The following ABCB1 variants were observed in gnomAD, a reference collection of about 807,000 sequenced individuals.
The protein encoded by ABCB1 is ATP binding cassette subfamily B member 1.
ABCB1 carries 69 observed loss-of-function variants against 142.0 expected under a neutral mutation model. The ratio of observed to expected loss-of-function variants is 0.49; its 90% CI spans 0.40 to 0.59. ABCB1 has a LOEUF of 0.59. ABCB1 is among the 20% of genes least tolerant of loss of function. ABCB1 has a pLI of 0.00. For synonymous variants in ABCB1, 532 were observed against 539.2 expected, an observed-to-expected ratio of 0.99 and a Z score of 0.18; for missense variants, 1,326 against 1,554.7, an observed-to-expected ratio of 0.85 and a Z score of 2.47.
intron 14 of ABCB1, among the ~76,000 whole-genome samples, chr7:87,547,275 A>C (rs1330141468): frequency 1.3e-5 from 2 of 152,262 alleles, no homozygotes; most frequent in African/African-American, 4.8e-5. Flanking sequence ...TAGAAAATAC[A>C]GAAGAAAATA....
intron 1 of ABCB1, among the ~76,000 whole-genome samples, chr7:87,672,032 CT>C (rs1377163382): frequency 2.0e-5 from 3 of 152,136 alleles, no homozygotes; most frequent in Admixed American, 2.0e-4. Context: ...TTCTGGGAGT[CT>C]TTTCTGCCCC....
chr7:87,541,796 A>G (rs28381936), intron 17 of ABCB1, among the ~76,000 whole-genome samples: 122 of 152,344 alleles, frequency 8.0e-4, no homozygotes, highest in Non-Finnish European at 1.5e-3. Context: ...ATGGCAGTTC[A>G]TTGCTTTACT....
At chr7:87,635,711 C>T (rs1460817698) in intron 1 of ABCB1, among the ~76,000 whole-genome samples, 1 of 152,198 alleles carries the variant, frequency 6.6e-6, no homozygotes, top group Non-Finnish European at 1.5e-5. Flanking sequence ...AATGTTGTAA[C>T]TAGCACCCAA....
intron 1 of ABCB1, among the ~76,000 whole-genome samples, chr7:87,611,207 C>G (rs193152743): frequency 3.3e-5 from 5 of 152,294 alleles, no homozygotes; most frequent in Admixed American, 2.0e-4. Context: ...TCTATAGCCT[C>G]AGGCCACTTC....
intron 4 of ABCB1, among the ~76,000 whole-genome samples, chr7:87,580,042 C>A (rs893352049): frequency 2.6e-5 from 4 of 152,080 alleles, no homozygotes; most frequent in Non-Finnish European, 5.9e-5. Flanking sequence ...TTTATAGGTT[C>A]ATTTTTTAGC....
At chr7:87,577,022 A>G (rs1818297938) in intron 4 of ABCB1, among the ~76,000 whole-genome samples, 1 of 152,010 alleles carries the variant, frequency 6.6e-6, no homozygotes, top group African/African-American at 2.4e-5. Flanking sequence ...CTAGCTAACT[A>G]TATATTTTTG....
chr7:87,587,700 T>A (rs1349100383), intron 3 of ABCB1, among the ~76,000 whole-genome samples: 2 of 151,482 alleles, frequency 1.3e-5, no homozygotes, highest in African/African-American at 4.8e-5. Flanking sequence ...TGAAACCCCG[T>A]CTCTATTAAA....
chr7:87,571,842 T>C (rs1316682727), intron 4 of ABCB1, among the ~76,000 whole-genome samples: 2 of 152,140 alleles, frequency 1.3e-5, no homozygotes, highest in Non-Finnish European at 2.9e-5. Flanking sequence ...CATAGCTAAA[T>C]CCATCTCTCC....
At chr7:87,702,162 A>AAAC (rs1554470424) in intron 1 of ABCB1, among the ~76,000 whole-genome samples, 17 of 150,114 alleles carry the variant, frequency 1.1e-4, no homozygotes, top group African/African-American at 2.0e-4. Flanking sequence ...AAAAAAAAAA[A>AAAC]AAAAAAAAAA....
rs2235020 is a variant in ABCB1 at position 87,569,949 on chromosome 7, T to A, written c.338+223A>T. ...TTCCTTATATATTAATATGATATTC[T>A]ACATTGATCAATGCATATATGTCCA... On this transcript the variant is annotated intron_variant, in intron 5 of 27. Coordinates refer to ENST00000622132, the MANE Select transcript of ABCB1 (RefSeq NM_001348946.2). 0.38 allele frequency among the ~76,000 whole-genome samples: 57,869 copies of A among 151,850 alleles called. 12,077 individuals are homozygous for A. Among genetic ancestry groups the A allele is most frequent in the East Asian group, 0.64 (3,271 of 5,146 alleles).
intron 1 of ABCB1, among the ~76,000 whole-genome samples, chr7:87,606,213 G>T (rs978124264): frequency 1.3e-5 from 2 of 152,038 alleles, no homozygotes; most frequent in African/African-American, 4.8e-5. Flanking sequence ...CTGGTACACA[G>T]AAGAAAACAT....
intron 4 of ABCB1, among the ~76,000 whole-genome samples, chr7:87,572,952 C>A (rs949757824): frequency 3.0e-4 from 45 of 152,156 alleles, no homozygotes; most frequent in African/African-American, 1.0e-3. Context: ...GGGTACTAGG[C>A]TTAATACCTG....
At chr7:87,539,096 G>A (rs967246342) in intron 19 of ABCB1, among the ~76,000 whole-genome samples, 172 bp downstream of exon 19, 3 of 152,200 alleles carry the variant, frequency 2.0e-5, no homozygotes, top group African/African-American at 7.2e-5. Flanking sequence ...ACAGACAGTA[G>A]AGCCTCATCT....
intron 1 of ABCB1, among the ~76,000 whole-genome samples, chr7:87,616,665 C>T (rs1455193542): frequency 2.6e-5 from 4 of 152,200 alleles, no homozygotes; most frequent in East Asian, 1.9e-4. Context: ...CTTGTCCCAG[C>T]TCCTGTGAAA....
chr7:87,512,180 T>TA (rs113498569), intron 25 of ABCB1, among the ~76,000 whole-genome samples: 3 of 128,788 alleles, frequency 2.3e-5, no homozygotes, highest in Admixed American at 8.1e-5. Flanking sequence ...AATTTTGCAT[T>TA]AAAAAAAAAA....
rs1260179273 is a variant in ABCB1, at chr7:87,531,515, T to A, written c.2482-18A>T. The A allele has an allele frequency of 6.2e-7, 1 of 1,608,742 alleles. No homozygotes were observed. The highest frequency in any genetic ancestry group is 1.3e-5 in the African/African-American group (1 of 74,898). On this transcript the variant is annotated intron_variant, in intron 20 of 27. Coordinates refer to ENST00000622132, the MANE Select transcript of ABCB1 (RefSeq NM_001348946.2). ...CCTATAGCCTGCAAAACAAAACAAA[T>A]TAGAGAAATTTTAAAAATATTATCT...
chr7:87,689,283 C>G (rs954566147), intron 1 of ABCB1, among the ~76,000 whole-genome samples: 3 of 151,962 alleles, frequency 2.0e-5, no homozygotes, highest in African/African-American at 7.2e-5. Context: ...GATGGTAATT[C>G]ATGTTTATGT....
At chr7:87,507,579 T>C (rs1347770729) in intron 26 of ABCB1, among the ~76,000 whole-genome samples, 1 of 152,072 alleles carries the variant, frequency 6.6e-6, no homozygotes, top group Non-Finnish European at 1.5e-5. Flanking sequence ...CAAGGCCACC[T>C]CCCTGGGACT....
At chr7:87,649,794 T>A (rs766958771) in intron 1 of ABCB1, among the ~76,000 whole-genome samples, 1 of 152,214 alleles carries the variant, frequency 6.6e-6, no homozygotes. Context: ...AATTGAATCA[T>A]GGCAGCGGGC....
Sources: allele counts gnomAD v4.1 joint callset (sites outside exome capture counted in the v4.1 genomes callset), GRCh38; gene constraint gnomAD v4.1.1; transcripts MANE v1.5; gene names NCBI Gene and HGNC (gene_info 2026-07-23, HGNC 2026-07-21).